ZNF843: variants seen among roughly 807,000 people sequenced by gnomAD.
The protein encoded by ZNF843 is zinc finger protein 843.
For synonymous variants in ZNF843, 185 were observed against 207.7 expected (o/e 0.89, Z 0.94); for missense variants, 482 against 469.4 (o/e 1.03, Z -0.25).
At chr16:31,440,599 T>C (rs2082197910) in intron 1 of ZNF843, among the ~76,000 whole-genome samples, 1 of 152,258 alleles carries the variant, frequency 6.6e-6, no homozygotes, top group Admixed American at 6.5e-5. Context: ...GTAATGAGCA[T>C]CTTCATGGAA....
In ZNF843 at chr16:31,436,082, G is replaced by A. The variant is rs2082179123; in HGVS notation, c.768C>T (p.Ala256=). 6.5e-7 allele frequency: 1 copy of A among 1,549,880 alleles called. No homozygotes were observed. The highest frequency in any genetic ancestry group is 1.4e-5 in the African/African-American group (1 of 73,054). ...GGLEVAQVPP[A]TQPAAQQEGA... is the part of the protein sequence containing the mutation. ...CCTCCTGCTGAGCTGCCGGCTGGGT[G>A]GCTGGCGGAACCTGGGCAACTTCCA... The change falls in exon 2 of 2, where the codon GCC becomes GCT. Residue 256 remains alanine (A), a synonymous_variant. Transcript: ENST00000315678.
intron 1 of ZNF843, among the ~76,000 whole-genome samples, chr16:31,442,050 G>C (rs1226394267): frequency 2.6e-5 from 4 of 152,246 alleles, no homozygotes; most frequent in African/African-American, 9.6e-5. Context: ...TTTTAAGGCG[G>C]GCCGGGTGTG....
In ZNF843 at chr16:31,435,785, C is replaced by CTGCA. The variant is rs2082176497; in HGVS notation, c.*14_*17dup. 6.9e-7 allele frequency: 1 copy of CTGCA among 1,445,886 alleles called. No homozygotes were observed. The highest frequency in any genetic ancestry group is 1.4e-5 in the African/African-American group (1 of 69,312). 89.6% of individuals were successfully genotyped at this position (1,445,886 alleles called of 1,614,324 possible). A position where few individuals can be genotyped will look rare whatever the true frequency, so the allele number is the denominator to read the frequency against. On this transcript the variant is annotated 3_prime_UTR_variant, in exon 2 of 2. Coordinates refer to ENST00000315678, the MANE Select transcript of ZNF843 (RefSeq NM_001136509.3). ...GCGGCTGCAACAATTCCACCCAGGG[C>CTGCA]TGCAGCACGCTGGTTCTTCAGTGTC...
chr16:31,441,261 C>T (rs1248076430), intron 1 of ZNF843, among the ~76,000 whole-genome samples: 2 of 152,208 alleles, frequency 1.3e-5, no homozygotes, highest in African/African-American at 4.8e-5. Context: ...TACCTACCTT[C>T]CTCAGGGGTT....
chr16:31,435,820 T>C lies in ZNF843; in HGVS notation c.1030A>G (p.Asn344Asp), dbSNP rs1439519426. The change falls in exon 2 of 2, where the codon AAC (asparagine) becomes GAC (aspartate). Residue 344 changes from asparagine (N) to aspartate (D), a missense_variant. By Grantham distance (23) the Asn-to-Asp change is conservative (BLOSUM62 1). Coordinates refer to ENST00000315678, the MANE Select transcript of ZNF843 (RefSeq NM_001136509.3). ...CTGGTTCTTCAGTGTCGGGCCAGGT[T>C]GGACCTCCGGCTGGAGGCCTTCCAC... The part of the protein sequence containing the change: ...PVWKASSRRS[N>D]LARH 1.4e-6 allele frequency: 2 copies of C among 1,460,250 alleles called. No homozygotes were observed. Among genetic ancestry groups the C allele is most frequent in the Non-Finnish European group, 1.8e-6 (2 of 1,101,372 alleles). 90.5% of individuals were successfully genotyped at this position (1,460,250 alleles called of 1,614,324 possible).
chr16:31,435,810 CG>C lies in ZNF843; in HGVS notation c.1039del (p.Arg347AspfsTer68), dbSNP rs768102660. ...KASSRRSNLARH is the reference protein window; with the variant it reads ...KASSRRSNLAXH ...CTGCAGCACGCTGGTTCTTCAGTGT[CG>C]GGCCAGGTTGGACCTCCGGCTGGAG... On this transcript the variant is annotated frameshift_variant, in exon 2 of 2. Transcript: ENST00000315678. LOFTEE classifies it high-confidence loss of function. 1.9e-5 allele frequency: 27 copies of C among 1,452,128 alleles called. No homozygotes were observed. Among genetic ancestry groups the C allele is most frequent in the African/African-American group, 1.4e-5 (1 of 69,656 alleles). The allele number at this position is 1,452,128 out of a possible 1,614,324, so 90.0% of individuals were successfully genotyped here.
Position 31,435,436 on chromosome 16 carries a change from G to C in ZNF843, c.*367C>G, listed in dbSNP as rs9930458. The C allele has an allele frequency of 1.9e-4, 31 of 165,266 alleles. No homozygotes were observed. Among genetic ancestry groups the C allele is most frequent in the African/African-American group, 6.5e-4 (27 of 41,840 alleles). The allele number at this position is 165,266 out of a possible 1,614,324, so 10.2% of individuals were successfully genotyped here. A position where few individuals can be genotyped will look rare whatever the true frequency, so the allele number is the denominator to read the frequency against. On this transcript the variant is annotated 3_prime_UTR_variant, in exon 2 of 2. Transcript: ENST00000315678. ...CCTGAGTAGCTGGGACTACAGGCCA[G>C]CGCCACCACACCAGCTCGTTTTATT...
chr16:31,441,581 C>T (rs933975391), intron 1 of ZNF843, among the ~76,000 whole-genome samples: 1 of 152,096 alleles, frequency 6.6e-6, no homozygotes, highest in African/African-American at 2.4e-5. Flanking sequence ...ACCTCCTGGG[C>T]TCAAGCGGTC....
intron 1 of ZNF843, among the ~76,000 whole-genome samples, chr16:31,437,846 T>G (rs1254843990): frequency 6.6e-6 from 1 of 151,858 alleles, no homozygotes; most frequent in Non-Finnish European, 1.5e-5. Context: ...CAGGCTGGTC[T>G]CAAACTCCTG....
rs1424949120 is a variant in ZNF843, at chr16:31,436,798, G to A, written c.52C>T (p.Pro18Ser). The A allele has an allele frequency of 6.4e-7, 1 of 1,551,564 alleles. No individual in the cohort carries two copies. ...AATCTGCCGGTGCTGCAGCAGGTAG[G>A]AGCTCTGGCTGAAACGCTTTCCACA... is the stretch of plus-strand genomic sequence containing the variant. Reference protein sequence around the residue: ...LTVESVSARAPTCCSTGRFTQ... With the variant: ...LTVESVSARASTCCSTGRFTQ... The change falls in exon 2 of 2, where the codon CCT (proline) becomes TCT (serine). Residue 18 changes from proline (P) to serine (S), a missense_variant. Pro to Ser is a moderately conservative substitution (Grantham distance 74, BLOSUM62 -1). Coordinates refer to ENST00000315678, the MANE Select transcript of ZNF843 (RefSeq NM_001136509.3).
At chr16:31,441,286 C>T (rs1182454492) in intron 1 of ZNF843, among the ~76,000 whole-genome samples, 1 of 152,218 alleles carries the variant, frequency 6.6e-6, no homozygotes. Flanking sequence ...CAGTGGTTCT[C>T]AGTGCTAGCT....
chr16:31,438,975 G>A (rs1029315085), intron 1 of ZNF843, among the ~76,000 whole-genome samples: 2 of 143,600 alleles, frequency 1.4e-5, no homozygotes, highest in African/African-American at 2.6e-5. Flanking sequence ...CACAGGAAGG[G>A]GGACATCACA....
chr16:31,436,781 G>C lies in ZNF843; in HGVS notation c.69C>G (p.Thr23=), dbSNP rs1295875109. The change falls in exon 2 of 2, where the codon ACC becomes ACG. Residue 23 remains threonine, a synonymous_variant. Coordinates refer to ENST00000315678, the MANE Select transcript of ZNF843 (RefSeq NM_001136509.3). The part of the protein sequence containing the change: ...VSARAPTCCS[T]GRFTQGRQPC... Reference sequence around the variant, plus strand: ...GCTGACGGCCCTGGGTGAATCTGCCGGTGCTGCAGCAGGTAGGAGCTCTGG... The same window carrying C: ...GCTGACGGCCCTGGGTGAATCTGCCCGTGCTGCAGCAGGTAGGAGCTCTGG... The C allele has an allele frequency of 6.4e-7, 1 of 1,551,692 alleles. No individual in the cohort carries two copies. The highest frequency in any genetic ancestry group is 8.7e-7 in the Non-Finnish European group (1 of 1,147,060).
Position 31,436,951 on chromosome 16 carries a change from GC to G in ZNF843, c.-103del. On this transcript the variant is annotated 5_prime_UTR_variant, in exon 2 of 2. Transcript: ENST00000315678. ...CTCTGCCGCACTCAGGCTTCCCGTG[GC>G]CACGAGCTCACAGTCTGGGAGCAGC... is the stretch of plus-strand genomic sequence containing the variant. 1 of 1,171,930 alleles carries G rather than the reference GC, an allele frequency of 8.5e-7. No individual in the cohort carries two copies. Among genetic ancestry groups the G allele is most frequent in the Non-Finnish European group, 1.2e-6 (1 of 846,126 alleles). 72.6% of individuals were successfully genotyped at this position (1,171,930 alleles called of 1,614,324 possible).
At chr16:31,440,656 T>C (rs553070030) in intron 1 of ZNF843, among the ~76,000 whole-genome samples, 1 of 152,340 alleles carries the variant, frequency 6.6e-6, no homozygotes, top group South Asian at 2.1e-4. Flanking sequence ...TATGTAGGAA[T>C]CATTCCCAGG....
chr16:31,438,580 C>CT (rs2082191192), intron 1 of ZNF843, among the ~76,000 whole-genome samples: 1 of 151,550 alleles, frequency 6.6e-6, no homozygotes, highest in Non-Finnish European at 1.5e-5. Flanking sequence ...CTCTCTCTCT[C>CT]CCCGTTTGTG....
Position 31,436,398 on chromosome 16 carries a change from C to T in ZNF843, c.452G>A (p.Gly151Asp), listed in dbSNP as rs536112381. Residue 151 changes from glycine (G) to aspartate (D), a missense_variant, in exon 2 of 2, where the codon GGT (glycine) becomes GAT (aspartate). By Grantham distance (94) the Gly-to-Asp change is moderately conservative. Transcript: ENST00000315678. Reference protein sequence around the residue: ...RVCPFCCCSCGDSVNEKTSLS... With the variant: ...RVCPFCCCSCDDSVNEKTSLS... ...GGAGGTCTTCTCATTGACACTGTCA[C>T]CGCAGCTGCAGCAGCAGAAGGGACA... 1.2e-5 allele frequency: 19 copies of T among 1,550,636 alleles called. No individual in the cohort carries two copies. The highest frequency in any genetic ancestry group is 1.5e-5 in the Non-Finnish European group (17 of 1,146,340).
intron 1 of ZNF843, among the ~76,000 whole-genome samples, chr16:31,437,687 CTA>C (rs2082188499): frequency 6.8e-6 from 1 of 146,354 alleles, no homozygotes; most frequent in Non-Finnish European, 1.5e-5. Context: ...GTGGTGCTAG[CTA>C]TGTCGGCTCA....
At chr16:31,437,619 GTT>G (rs749584155) in intron 1 of ZNF843, among the ~76,000 whole-genome samples, 83 of 109,882 alleles carry the variant, frequency 7.6e-4, no homozygotes, top group South Asian at 1.2e-3. Flanking sequence ...TATAATCAAT[GTT>G]TTTTTTTTTT....
Sources: gnomAD v4.1 joint callset for allele counts (sites outside exome capture counted in the v4.1 genomes callset) on GRCh38, gnomAD v4.1.1 for gene constraint, MANE v1.5 for transcripts, NCBI Gene and HGNC (gene_info 2026-07-23, HGNC 2026-07-21) for gene names.